The following USP48 variants were observed in gnomAD, a reference collection of about 807,000 sequenced individuals.
USP48 encodes ubiquitin specific peptidase 48.
A neutral mutation model predicts 150.7 loss-of-function variants in USP48; 43 were observed. The observed-to-expected ratio is 0.29, with a 90% CI of 0.22 to 0.37. The LOEUF (loss-of-function observed/expected upper bound fraction) is 0.37. USP48 is among the 10% of genes least tolerant of loss of function. The pLI is 1.00. For missense variants in USP48, 813 were observed against 1,249.6 expected, an observed-to-expected ratio of 0.65 and a Z score of 5.27; for synonymous variants, 396 against 425.9, an observed-to-expected ratio of 0.93 and a Z score of 0.86.
At chr1:21,753,597 C>T (rs143274655) in intron 3 of USP48, among the ~76,000 whole-genome samples, 1 of 151,862 alleles carries the variant, frequency 6.6e-6, no homozygotes, top group Non-Finnish European at 1.5e-5. Flanking sequence ...GAGGCAGAGG[C>T]GGGCGAATAA....
intron 9 of USP48, chr1:21,732,968 T>G (rs952661350): frequency 6.3e-6 from 1 of 158,392 alleles, no homozygotes; most frequent in Non-Finnish European, 1.4e-5. Context: ...TTGTTCAACT[T>G]TTTTTGTTTT....
Position 21,728,585 on chromosome 1 carries a change from A to G in USP48, c.1435T>C (p.Leu479=). ...HEEVKELYQR[L]PAGAEPYEFV... ...TCTTACAGACCAGCTCCAGCAGGTAACCTTTGGTACAGCTCCTTAACCTCT... is the reference window on the plus strand; with the variant it reads ...TCTTACAGACCAGCTCCAGCAGGTAGCCTTTGGTACAGCTCCTTAACCTCT... The change falls in exon 11 of 27, where the codon TTA becomes CTA. Residue 479 remains leucine, a synonymous_variant. Coordinates refer to ENST00000308271, the MANE Select transcript of USP48 (RefSeq NM_032236.8). 6.2e-7 allele frequency: 1 copy of G among 1,613,756 alleles called. No individual in the cohort carries two copies. Among genetic ancestry groups the G allele is most frequent in the Non-Finnish European group, 8.5e-7 (1 of 1,179,848 alleles).
intron 9 of USP48, among the ~76,000 whole-genome samples, chr1:21,731,217 T>C (rs1045754794): frequency 2.6e-5 from 4 of 152,186 alleles, no homozygotes; most frequent in African/African-American, 7.2e-5. Context: ...TTAGTCAAAA[T>C]AATACAAATA....
intron 15 of USP48, among the ~76,000 whole-genome samples, chr1:21,712,891 G>A (rs530620139): frequency 6.6e-6 from 1 of 152,016 alleles, no homozygotes; most frequent in African/African-American, 2.4e-5. Context: ...GCCTCCCAAA[G>A]TGCTGGGATT....
intron 1 of USP48, among the ~76,000 whole-genome samples, chr1:21,782,334 G>C (rs996588298): frequency 3.3e-5 from 5 of 152,054 alleles, no homozygotes; most frequent in African/African-American, 1.2e-4. Context: ...AGATTAACGA[G>C]TGAGGGAAGG....
chr1:21,754,318 G>C (rs891178651), intron 3 of USP48, among the ~76,000 whole-genome samples: 1 of 152,118 alleles, frequency 6.6e-6, no homozygotes, highest in Non-Finnish European at 1.5e-5. Context: ...ATTTTTTAAA[G>C]TCCAGTTAAT....
At chr1:21,747,857 G>A (rs1374270615) in intron 7 of USP48, among the ~76,000 whole-genome samples, 1 of 152,200 alleles carries the variant, frequency 6.6e-6, no homozygotes, top group African/African-American at 2.4e-5. Flanking sequence ...ACAGGCGTGA[G>A]CCACCGCACC....
chr1:21,713,929 C>T (rs918651911), intron 15 of USP48, among the ~76,000 whole-genome samples: 2 of 152,156 alleles, frequency 1.3e-5, no homozygotes, highest in African/African-American at 4.8e-5. Flanking sequence ...CCCAGGATGG[C>T]CCCTTCCTAG....
intron 25 of USP48, among the ~76,000 whole-genome samples, chr1:21,685,164 C>G (rs565474904): frequency 4.4e-4 from 67 of 152,252 alleles, no homozygotes; most frequent in African/African-American, 1.5e-3. Context: ...TTCTTCTGAT[C>G]CATGAGCACA....
At chr1:21,730,263 A>G (rs2097753503) in intron 9 of USP48, among the ~76,000 whole-genome samples, 1 of 151,972 alleles carries the variant, frequency 6.6e-6, no homozygotes, top group African/African-American at 2.4e-5. Context: ...CAAAACATGG[A>G]GAAGCCCTGT....
At chr1:21,758,487 GAC>G in intron 1 of USP48, among the ~76,000 whole-genome samples, 1 of 152,284 alleles carries the variant, frequency 6.6e-6, no homozygotes, top group Non-Finnish European at 1.5e-5. Context: ...TTTTCGGCCG[GAC>G]ACAGTGGCTC....
chr1:21,690,154 A>T, intron 23 of USP48, 55 bp from the exon 24 acceptor site: 2 of 1,482,752 alleles, frequency 1.3e-6, no homozygotes, highest in Non-Finnish European at 1.8e-6. Flanking sequence ...TAAGACTTAT[A>T]CCCTATTTAA....
At chr1:21,725,479 T>C (rs1172045082) in intron 11 of USP48, among the ~76,000 whole-genome samples, 2 of 152,170 alleles carry the variant, frequency 1.3e-5, no homozygotes, top group African/African-American at 4.8e-5. Context: ...TGGCTGGGCA[T>C]GGTGGCTCAC....
At chr1:21,732,050 G>A (rs972188497) in intron 9 of USP48, among the ~76,000 whole-genome samples, 4 of 152,066 alleles carry the variant, frequency 2.6e-5, no homozygotes, top group African/African-American at 9.7e-5. Flanking sequence ...GGATTATAGC[G>A]GCGGATCATT....
At chr1:21,698,698 T>C (rs934236262) in intron 22 of USP48, among the ~76,000 whole-genome samples, 1 of 152,090 alleles carries the variant, frequency 6.6e-6, no homozygotes, top group Non-Finnish European at 1.5e-5. Flanking sequence ...GATTCCCCCA[T>C]CCTGGATATC....
At chr1:21,761,972 A>T (rs1280828453) in intron 1 of USP48, among the ~76,000 whole-genome samples, 1 of 150,512 alleles carries the variant, frequency 6.6e-6, no homozygotes, top group African/African-American at 2.4e-5. Context: ...AGAGAGTTAA[A>T]GAAACAAAAC....
intron 1 of USP48, among the ~76,000 whole-genome samples, chr1:21,763,567 A>T (rs1461502575): frequency 6.6e-6 from 1 of 152,196 alleles, no homozygotes; most frequent in Non-Finnish European, 1.5e-5. Flanking sequence ...TAATCCCAAC[A>T]CTTTGAGAGG....
intron 22 of USP48, among the ~76,000 whole-genome samples, chr1:21,698,861 C>T (rs1329217619): frequency 6.6e-6 from 1 of 151,938 alleles, no homozygotes; most frequent in Non-Finnish European, 1.5e-5. Flanking sequence ...CACCACTGCA[C>T]TCCAGCCTGG....
intron 23 of USP48, among the ~76,000 whole-genome samples, chr1:21,691,584 G>A (rs915913210): frequency 1.3e-5 from 2 of 152,170 alleles, no homozygotes; most frequent in East Asian, 1.9e-4. Context: ...GCAGTAAGCC[G>A]AGATTGCGCC....
Sources: allele counts gnomAD v4.1 joint callset (sites outside exome capture counted in the v4.1 genomes callset), GRCh38; gene constraint gnomAD v4.1.1; transcripts MANE v1.5; gene names NCBI Gene and HGNC (gene_info 2026-07-23, HGNC 2026-07-21).